Variants in NLE1 observed in about 807,000 individuals in gnomAD.
NLE1 encodes notchless homolog 1, also known as notchless protein homolog 1.
In NLE1, 37 loss-of-function variants were observed where a neutral mutation model predicts 62.8. The ratio of observed to expected loss-of-function variants is 0.59; its 90% CI spans 0.45 to 0.78. The LOEUF is 0.78. Among genes scored for constraint, NLE1 ranks in the 30% least tolerant of loss-of-function variants. The pLI, the probability that NLE1 is intolerant of heterozygous loss-of-function variation, is 0.00. For synonymous variants in NLE1, 243 were observed against 253.0 expected (o/e 0.96, Z 0.37); for missense variants, 555 against 637.9 (o/e 0.87, Z 1.40).
At chr17:35,133,749 C>T (rs527822025) in intron 10 of NLE1, among the ~76,000 whole-genome samples, 1 of 152,230 alleles carries the variant, frequency 6.6e-6, no homozygotes, top group Non-Finnish European at 1.5e-5. Context: ...TCCATACCTG[C>T]ACAACTTTGC....
Position 35,130,443 on chromosome 17 carries a change from G to T in NLE1, c.*1994C>A. The T allele has an allele frequency of 6.2e-7, 1 of 1,612,106 alleles. No individual in the cohort carries two copies. On this transcript the variant is annotated 3_prime_UTR_variant, in exon 13 of 13. Coordinates refer to ENST00000442241, the MANE Select transcript of NLE1 (RefSeq NM_018096.5). Reference sequence around the variant, plus strand: ...ACCTATTTCCCTGTTAAGGGGGAGGGCCCCAGGACACCCCTCACCTACTTT... The same window carrying T: ...ACCTATTTCCCTGTTAAGGGGGAGGTCCCCAGGACACCCCTCACCTACTTT...
chr17:35,138,444 T>TTC (rs886714658), intron 4 of NLE1, among the ~76,000 whole-genome samples: 11 of 151,946 alleles, frequency 7.2e-5, no homozygotes, highest in Admixed American at 2.0e-4. Flanking sequence ...CTCTTCTCTT[T>TTC]TCTCTCTCTC....
rs1597891257 is a variant in NLE1 at position 35,136,451 on chromosome 17, G to T, written c.875C>A (p.Thr292Asn). The T allele has an allele frequency of 1.2e-6, 2 of 1,614,030 alleles. No homozygotes were observed. Among genetic ancestry groups the T allele is most frequent in the Admixed American group, 1.7e-5 (1 of 60,010 alleles). ...GGCATAGTCAGTGCTGAGGGCCATG[G>T]TGTTCACCCAGTGGCCGTGGCCTTG... ...TLQGHGHWVN[T>N]MALSTDYALR... is the part of the protein sequence containing the mutation. Residue 292 changes from threonine to asparagine, a missense_variant, in exon 8 of 13, where the codon ACC becomes AAC. Transcript: ENST00000442241.
chr17:35,138,739 T>C (rs546951636), intron 4 of NLE1, among the ~76,000 whole-genome samples: 1 of 152,326 alleles, frequency 6.6e-6, no homozygotes, highest in East Asian at 1.9e-4. Context: ...CCACCACGCC[T>C]GGCCAGCAAT....
intron 10 of NLE1, 116 bp from the exon 11 acceptor site, chr17:35,133,614 C>G (rs1394993257): frequency 7.5e-6 from 7 of 934,842 alleles, no homozygotes; most frequent in African/African-American, 1.7e-5. Context: ...GTTAGAAATA[C>G]CTGGGAACCT....
intron 3 of NLE1, 119 bp downstream of exon 3, chr17:35,139,730 T>C: frequency 7.1e-7 from 1 of 1,401,004 alleles, no homozygotes; most frequent in Non-Finnish European, 9.6e-7. Flanking sequence ...AGTCCAGAGC[T>C]TGGGTCTATG....
At chr17:35,137,338 G>A in intron 6 of NLE1, 145 bp from the exon 7 acceptor site, 1 of 862,720 alleles carries the variant, frequency 1.2e-6, no homozygotes, top group Non-Finnish European at 1.8e-6. Flanking sequence ...CAAGGTGACT[G>A]CAACCAGCAG....
intron 2 of NLE1, among the ~76,000 whole-genome samples, 171 bp downstream of exon 2, chr17:35,141,808 G>A (rs1377906010): frequency 6.6e-6 from 1 of 152,198 alleles, no homozygotes; most frequent in Non-Finnish European, 1.5e-5. Context: ...TGGTTGGCGT[G>A]TAAAGCGCTA....
chr17:35,129,901 T>C lies in NLE1; in HGVS notation c.*2536A>G. 7.2e-7 allele frequency: 1 copy of C among 1,397,822 alleles called. No individual in the cohort carries two copies. Among genetic ancestry groups the C allele is most frequent in the Middle Eastern group, 2.7e-4 (1 of 3,730 alleles). 86.6% of individuals were successfully genotyped at this position (1,397,822 alleles called of 1,614,324 possible). A position where few individuals can be genotyped will look rare whatever the true frequency, so the allele number is the denominator to read the frequency against. On this transcript the variant is annotated 3_prime_UTR_variant, in exon 13 of 13. Transcript: ENST00000442241. The stretch of plus-strand genomic sequence containing the variant: ...TTTCAACATCACTATAATGTTCCCC[T>C]TCCAAAGCCATTGGTTTTTAGACTC...
At position 35,129,289 on chromosome 17, in the gene NLE1, T is replaced by C; in HGVS notation, c.*3148A>G. 1 of 1,174,080 alleles carries C rather than the reference T, an allele frequency of 8.5e-7. No homozygotes were observed. Among genetic ancestry groups the C allele is most frequent in the Non-Finnish European group, 1.2e-6 (1 of 825,446 alleles). 72.7% of individuals were successfully genotyped at this position (1,174,080 alleles called of 1,614,324 possible). A position where few individuals can be genotyped will look rare whatever the true frequency, so the allele number is the denominator to read the frequency against. The stretch of plus-strand genomic sequence containing the variant: ...ACTCAGTGCTGCAGTACCTTGCACC[T>C]TCCATCTGACCTGCCTGGGCCCCAG... On this transcript the variant is annotated 3_prime_UTR_variant, in exon 13 of 13. Transcript: ENST00000442241.
In NLE1 at chr17:35,130,096, C is replaced by T; in HGVS notation, c.*2341G>A. On this transcript the variant is annotated 3_prime_UTR_variant, in exon 13 of 13. Coordinates refer to ENST00000442241, the MANE Select transcript of NLE1 (RefSeq NM_018096.5). ...GACAGCCCTTTGGTTGGAAATATCC[C>T]ATAATGAGGAGGTACAGGCTTGAGT... The T allele has an allele frequency of 7.0e-7, 1 of 1,426,486 alleles. No individual in the cohort carries two copies. Among genetic ancestry groups the T allele is most frequent in the Non-Finnish European group, 9.1e-7 (1 of 1,095,578 alleles). 88.4% of individuals were successfully genotyped at this position (1,426,486 alleles called of 1,614,324 possible). A position where few individuals can be genotyped will look rare whatever the true frequency, so the allele number is the denominator to read the frequency against.
Position 35,130,189 on chromosome 17 carries a change from A to G in NLE1, c.*2248T>C, listed in dbSNP as rs903735537. On this transcript the variant is annotated 3_prime_UTR_variant, in exon 13 of 13. Transcript: ENST00000442241. ...GATAAGGCTGTTTAAGGTCTGAGTC[A>G]GCAGACAGAAAAAAAAGGGGTGATA... is the stretch of plus-strand genomic sequence containing the variant. 8 of 1,523,602 alleles carry G rather than the reference A, an allele frequency of 5.3e-6. No individual in the cohort carries two copies. Among genetic ancestry groups the G allele is most frequent in the Non-Finnish European group, 7.0e-6 (8 of 1,138,848 alleles). 94.4% of individuals were successfully genotyped at this position (1,523,602 alleles called of 1,614,324 possible). A position where few individuals can be genotyped will look rare whatever the true frequency, so the allele number is the denominator to read the frequency against.
chr17:35,136,195 C>T lies in NLE1; in HGVS notation c.985G>A (p.Ala329Thr), dbSNP rs1318377208. 2 of 1,614,012 alleles carry T rather than the reference C, an allele frequency of 1.2e-6. No individual in the cohort carries two copies. Among genetic ancestry groups the T allele is most frequent in the Admixed American group, 1.7e-5 (1 of 60,004 alleles). ...QGSLQELKER[A>T]LSRYNLVRGQ... ...CGCACGAGGTTGTATCGGCTCAGAG[C>T]CCTCTCCTTCAACTCCTGCACTGTG... The change falls in exon 9 of 13, where the codon GCT becomes ACT. Residue 329 changes from alanine to threonine, a missense_variant. Physicochemically the swap from Ala to Thr is moderately conservative, Grantham distance 58 (BLOSUM62 0). Coordinates refer to ENST00000442241, the MANE Select transcript of NLE1 (RefSeq NM_018096.5).
chr17:35,132,354 C>T lies in NLE1; in HGVS notation c.*83G>A, dbSNP rs2091881001. The stretch of plus-strand genomic sequence containing the variant: ...CTGGTGGGGAGGGTGTGTGCACTGC[C>T]ATCTCAGCCTTTGTTCTCTGGCAGG... On this transcript the variant is annotated 3_prime_UTR_variant, in exon 13 of 13. Transcript: ENST00000442241. 4.7e-6 allele frequency: 6 copies of T among 1,263,716 alleles called. No homozygotes were observed. The South Asian group carries it at 1.1e-4, about 23-fold the overall frequency. 78.3% of individuals were successfully genotyped at this position (1,263,716 alleles called of 1,614,324 possible).
chr17:35,140,128 G>C (rs1231138209), intron 2 of NLE1, 62 bp from the exon 3 acceptor site: 2 of 1,563,882 alleles, frequency 1.3e-6, no homozygotes, highest in African/African-American at 1.4e-5. Context: ...CCCTCTGCCA[G>C]GGATGCTCCC....
intron 10 of NLE1, 44 bp from the exon 11 acceptor site, chr17:35,133,542 T>A (rs1219750455): frequency 6.4e-7 from 1 of 1,557,768 alleles, no homozygotes; most frequent in South Asian, 1.2e-5. Flanking sequence ...CTGAGTTACA[T>A]CTTTCAACAC....
intron 3 of NLE1, 63 bp from the exon 4 acceptor site, chr17:35,139,377 T>G: frequency 7.7e-7 from 1 of 1,304,230 alleles, no homozygotes; most frequent in Non-Finnish European, 1.1e-6. Context: ...ATTCAATCAC[T>G]TTCTGTGAAT....
chr17:35,139,046 G>C (rs2091926694), intron 4 of NLE1, among the ~76,000 whole-genome samples, 189 bp downstream of exon 4: 1 of 152,098 alleles, frequency 6.6e-6, no homozygotes, highest in Non-Finnish European at 1.5e-5. Context: ...AGGTGTGATG[G>C]CAAGTGCCTG....
intron 7 of NLE1, 74 bp from the exon 8 acceptor site, chr17:35,136,571 G>A (rs1489003439): frequency 2.0e-6 from 3 of 1,528,472 alleles, no homozygotes; most frequent in Non-Finnish European, 2.7e-6. Flanking sequence ...GGAGACAGGT[G>A]GTACAAGACT....
Sources: allele counts gnomAD v4.1 joint callset (sites outside exome capture counted in the v4.1 genomes callset), GRCh38; gene constraint gnomAD v4.1.1; transcripts MANE v1.5; gene names NCBI Gene and HGNC (gene_info 2026-07-23, HGNC 2026-07-21).